The following SARM1 variants were observed in gnomAD, a reference collection of about 807,000 sequenced individuals.
SARM1 encodes the protein NAD(+) hydrolase SARM1.
A neutral mutation model predicts 65.1 loss-of-function variants in SARM1; 60 were observed. The ratio of observed to expected loss-of-function variants is 0.92; its 90% confidence interval spans 0.75 to 1.14. The LOEUF is 1.14. SARM1 is among the 50% of genes most tolerant of loss of function. The probability of loss-of-function intolerance (pLI) is 0.00; values close to 1 mark genes in which losing one functional copy is unlikely to be tolerated. For synonymous variants in SARM1, 417 were observed against 465.4 expected (o/e 0.90, Z 1.34); for missense variants, 913 against 1,015.7 (o/e 0.90, Z 1.37).
At position 28,400,921 on chromosome 17, in the gene SARM1, G is replaced by A. The variant is rs2068189561; in HGVS notation, c.*4635G>A. The stretch of plus-strand genomic sequence containing the variant: ...CTGCTACATCATGTACTGTGACAAG[G>A]ATTCAGTAAGGTCATATGTGGACAG... On this transcript the variant is annotated 3_prime_UTR_variant, in exon 9 of 9. Transcript: ENST00000585482. The A allele has an allele frequency of 2.8e-6, 2 of 718,292 alleles. No individual in the cohort carries two copies. Among genetic ancestry groups the A allele is most frequent in the Non-Finnish European group, 2.4e-6 (1 of 409,408 alleles). 44.5% of individuals were successfully genotyped at this position (718,292 alleles called of 1,614,324 possible).
At chr17:28,380,602 G>T (rs1480861019) in intron 1 of SARM1, among the ~76,000 whole-genome samples, 2 of 152,248 alleles carry the variant, frequency 1.3e-5, no homozygotes, top group African/African-American at 4.8e-5. Context: ...TCCTCAGGAA[G>T]CATCTGTTGA....
chr17:28,390,738 A>C (rs1187014640), intron 7 of SARM1, among the ~76,000 whole-genome samples: 7 of 152,162 alleles, frequency 4.6e-5, no homozygotes, highest in Non-Finnish European at 1.0e-4. Flanking sequence ...GGAAGACTTC[A>C]TGGAGGAAGC....
intron 2 of SARM1, among the ~76,000 whole-genome samples, chr17:28,382,413 A>G (rs1019531015): frequency 6.6e-6 from 1 of 151,892 alleles, no homozygotes; most frequent in Admixed American, 6.6e-5. Context: ...TTCAGTGGGT[A>G]GTGTAGCCTT....
chr17:28,374,753 G>T (rs1264665140), intron 1 of SARM1, among the ~76,000 whole-genome samples: 4 of 151,992 alleles, frequency 2.6e-5, no homozygotes, highest in Non-Finnish European at 5.9e-5. Flanking sequence ...GAGGTGGGTG[G>T]ATCACTTGAG....
rs1597819554 is a variant in SARM1 at position 28,384,407 on chromosome 17, C to T, written c.1140C>T (p.Tyr380=). The T allele has an allele frequency of 1.9e-6, 3 of 1,611,944 alleles. No individual in the cohort carries two copies. Among genetic ancestry groups the T allele is most frequent in the East Asian group, 2.2e-5 (1 of 44,858 alleles). ...AGAGCCTGAAACGCCTGGTTTCCTA[C>T]TCTACCAATGGCACTAAGTCGGCGC... The part of the protein sequence containing the change: ...AIQSLKRLVS[Y]STNGTKSALA... The change falls in exon 3 of 9, where the codon TAC becomes TAT. Residue 380 remains tyrosine, a synonymous_variant. Transcript: ENST00000585482. The surrounding 1 kb of genome is among the most constrained non-coding windows in gnomAD (Gnocchi z 4.4).
rs577653016 is a variant in SARM1 at position 28,372,104 on chromosome 17, C to T, written c.72C>T (p.Gly24=). The change falls in exon 1 of 9, where the codon GGC becomes GGT. Residue 24 remains glycine (G), a synonymous_variant. Transcript: ENST00000585482. This position sits in a 1 kb window ranked among gnomAD's most constrained non-coding sequence, Gnocchi z 5.2. ...RFFAMSGPRP[G]AERLAVPGPD... is the part of the protein sequence containing the mutation. ...TCGCCATGTCGGGCCCACGGCCGGG[C>T]GCCGAGCGGCTGGCGGTGCCTGGGC... is the stretch of plus-strand genomic sequence containing the variant. The T allele has an allele frequency of 3.4e-5, 51 of 1,479,808 alleles. No individual in the cohort carries two copies. In the African/African-American group the frequency reaches 7.3e-4, roughly 21 times the overall value. 91.7% of individuals were successfully genotyped at this position (1,479,808 alleles called of 1,614,324 possible).
intron 2 of SARM1, among the ~76,000 whole-genome samples, chr17:28,383,479 G>C (rs1290994917): frequency 2.6e-5 from 4 of 152,220 alleles, no homozygotes; most frequent in Admixed American, 2.6e-4. Context: ...GCACTCCAGA[G>C]CTGGGTCAGG....
intron 1 of SARM1, among the ~76,000 whole-genome samples, chr17:28,375,594 TAAAAAAA>T (rs201007293): frequency 3.2e-5 from 3 of 94,802 alleles, no homozygotes; most frequent in African/African-American, 1.2e-4. Flanking sequence ...AGACTCCATC[TAAAAAAA>T]AAAAAAAAAA....
chr17:28,382,838 CA>C (rs2142429811), intron 2 of SARM1, among the ~76,000 whole-genome samples: 1 of 256 alleles, frequency 3.9e-3, no homozygotes, highest in African/African-American at 0.013. Context: ...AAGCACGCAC[CA>C]CAATCCCCCA....
chr17:28,372,156 T>C lies in SARM1; in HGVS notation c.124T>C (p.Trp42Arg), dbSNP rs913719958. 2.9e-5 allele frequency: 40 copies of C among 1,387,710 alleles called. No individual in the cohort carries two copies. The highest frequency in any genetic ancestry group is 4.6e-5 in the African/African-American group (3 of 65,688). 86.0% of individuals were successfully genotyped at this position (1,387,710 alleles called of 1,614,324 possible). ...GPDGGGGTGP[W>R]WAAGGRGPRE... is the part of the protein sequence containing the mutation. Reference sequence around the variant, plus strand: ...AGATGGGGGCGGTGGCACGGGCCCATGGTGGGCTGCGGGTGGCCGCGGGCC... The same window carrying C: ...AGATGGGGGCGGTGGCACGGGCCCACGGTGGGCTGCGGGTGGCCGCGGGCC... The change falls in exon 1 of 9, where the codon TGG becomes CGG. Residue 42 changes from tryptophan to arginine, a missense_variant. Trp to Arg is a moderately radical substitution (Grantham distance 101, BLOSUM62 -3). This residue lies in a region of SARM1 where 12 missense variants were observed against 31.5 expected (regional missense o/e 0.38). Coordinates refer to ENST00000585482, the MANE Select transcript of SARM1 (RefSeq NM_015077.4). This position sits in a 1 kb window ranked among gnomAD's most constrained non-coding sequence, Gnocchi z 5.2.
Position 28,398,016 on chromosome 17 carries a change from T to G in SARM1, c.*1730T>G, listed in dbSNP as rs189069712. On this transcript the variant is annotated 3_prime_UTR_variant, in exon 9 of 9. Coordinates refer to ENST00000585482, the MANE Select transcript of SARM1 (RefSeq NM_015077.4). ...TTGGCCAGTGCCAGCCTCGATGCTT[T>G]GGTTTTGACCCCACCTGATCCTCCT... 6.6e-6 allele frequency: 1 copy of G among 152,484 alleles called. No individual in the cohort carries two copies. The highest frequency in any genetic ancestry group is 2.4e-5 in the African/African-American group (1 of 41,476). The allele number at this position is 152,484 out of a possible 1,614,324, so 9.4% of individuals were successfully genotyped here. A position where few individuals can be genotyped will look rare whatever the true frequency, so the allele number is the denominator to read the frequency against.
At position 28,384,721 on chromosome 17, in the gene SARM1, C is replaced by A; in HGVS notation, c.1303-118C>A. 8.2e-7 allele frequency: 1 copy of A among 1,215,928 alleles called. No individual in the cohort carries two copies. The highest frequency in any genetic ancestry group is 1.2e-6 in the Non-Finnish European group (1 of 853,722). The allele number at this position is 1,215,928 out of a possible 1,614,324, so 75.3% of individuals were successfully genotyped here. On this transcript the variant is annotated intron_variant, in intron 3 of 8. Coordinates refer to ENST00000585482, the MANE Select transcript of SARM1 (RefSeq NM_015077.4). The surrounding 1 kb of genome is among the most constrained non-coding windows in gnomAD (Gnocchi z 4.4). ...CAGCCACCGTTAGGGTCACTCGGCT[C>A]TGATCTAGGTCCCATCCGCCTCCTC...
chr17:28,377,486 C>T (rs1255720070), intron 1 of SARM1, among the ~76,000 whole-genome samples: 4 of 152,190 alleles, frequency 2.6e-5, no homozygotes, highest in Admixed American at 1.3e-4. Flanking sequence ...TGCCTGTAGT[C>T]CCAGCTACTC....
Position 28,396,251 on chromosome 17 carries a change from A to C in SARM1, c.2140A>C (p.Ser714Arg), listed in dbSNP as rs1555587947. Residue 714 changes from serine to arginine, a missense_variant, in exon 9 of 9, where the codon AGT becomes CGT. Ser to Arg is a moderately radical substitution (Grantham distance 110). Transcript: ENST00000585482. The stretch of plus-strand genomic sequence containing the variant: ...GGACTCATCTGCAGGCTCTGACACC[A>C]GTTTGGAGGGTGCTGCACCCATGGG... ...SRDSSAGSDT[S>R]LEGAAPMGPT 6.2e-7 allele frequency: 1 copy of C among 1,613,956 alleles called. No homozygotes were observed. The highest frequency in any genetic ancestry group is 8.5e-7 in the Non-Finnish European group (1 of 1,179,850).
chr17:28,377,265 CCTCT>C (rs1240646255), intron 1 of SARM1, among the ~76,000 whole-genome samples: 2 of 152,014 alleles, frequency 1.3e-5, no homozygotes, highest in African/African-American at 4.8e-5. Context: ...TGTCATGTAC[CCTCT>C]CTGAGTTTTG....
rs1205001936 is a variant in SARM1, at chr17:28,381,199, G to A, written c.471-4G>A. ...CACTGTCCCCTTCCACTTTCACTGG[G>A]CAGAGACCGCGTGGCGCGCATTGGG... On this transcript the variant is annotated splice_region_variant and splice_polypyrimidine_tract_variant and intron_variant, in intron 1 of 8. Coordinates refer to ENST00000585482, the MANE Select transcript of SARM1 (RefSeq NM_015077.4). 1.9e-6 allele frequency: 3 copies of A among 1,587,154 alleles called. No homozygotes were observed. Among genetic ancestry groups the A allele is most frequent in the African/African-American group, 1.3e-5 (1 of 74,116 alleles).
At position 28,388,288 on chromosome 17, in the gene SARM1, C is replaced by G. The variant is rs782534777; in HGVS notation, c.1733+12C>G. ...TCCCAGCTGGCCAGGTGAGGAGGGG[C>G]GGGCGGGCAGCGACGGGGCGTGGGG... On this transcript the variant is annotated intron_variant, in intron 6 of 8. Transcript: ENST00000585482. 8 of 1,557,464 alleles carry G rather than the reference C, an allele frequency of 5.1e-6. No individual in the cohort carries two copies. Among genetic ancestry groups the G allele is most frequent in the Non-Finnish European group, 7.0e-6 (8 of 1,149,508 alleles).
chr17:28,400,186 C>A lies in SARM1; in HGVS notation c.*3900C>A, dbSNP rs1005551911. 5.8e-5 allele frequency: 14 copies of A among 241,958 alleles called. No homozygotes were observed. The highest frequency in any genetic ancestry group is 1.1e-4 in the Non-Finnish European group (14 of 122,772). 15.0% of individuals were successfully genotyped at this position (241,958 alleles called of 1,614,324 possible). A position where few individuals can be genotyped will look rare whatever the true frequency, so the allele number is the denominator to read the frequency against. ...TCGGGATTACAGGCAAGAGCCTCCA[C>A]GCCCGGCCATGAAATATAATTCTTA... On this transcript the variant is annotated 3_prime_UTR_variant, in exon 9 of 9. Transcript: ENST00000585482.
chr17:28,386,063 G>A (rs759989873), intron 5 of SARM1, among the ~76,000 whole-genome samples: 16 of 152,278 alleles, frequency 1.1e-4, no homozygotes, highest in Non-Finnish European at 2.1e-4. Context: ...GGAGGCCAAG[G>A]CAGGCGGATC....
Sources: allele counts gnomAD v4.1 joint callset (sites outside exome capture counted in the v4.1 genomes callset), GRCh38; gene constraint gnomAD v4.1.1; regional missense constraint gnomAD v4.1.1; non-coding constraint Gnocchi (gnomAD v3.1); transcripts MANE v1.5; gene names NCBI Gene and HGNC (gene_info 2026-07-23, HGNC 2026-07-21).